Variants in NKAIN1 observed in about 807,000 individuals in gnomAD.
The protein encoded by NKAIN1 is sodium/potassium-transporting ATPase subunit beta-1-interacting protein 1.
Under a neutral mutation model 31.6 loss-of-function variants are expected in NKAIN1, and 13 were observed. That is an observed-to-expected ratio of 0.41 (90% CI 0.27 to 0.65). The LOEUF is 0.65. NKAIN1 is among the 30% of genes least tolerant of loss of function. The pLI is 0.30. For synonymous variants in NKAIN1, 104 were observed against 109.0 expected, an observed-to-expected ratio of 0.95 and a Z score of 0.28; for missense variants, 193 against 262.2, an observed-to-expected ratio of 0.74 and a Z score of 1.82.
At chr1:31,185,015 G>A (rs1645231696) in intron 3 of NKAIN1, 1 of 512,858 alleles carries the variant, frequency 1.9e-6, no homozygotes, top group East Asian at 3.2e-5. Context: ...TGGGACCCCT[G>A]GCTCATCTTC....
chr1:31,182,263 G>A (rs749198967), intron 5 of NKAIN1, among the ~76,000 whole-genome samples: 23 of 152,106 alleles, frequency 1.5e-4, no homozygotes, highest in Non-Finnish European at 2.8e-4. Flanking sequence ...CGGGGCTAGA[G>A]CCTCTAAACG....
chr1:31,223,667 A>T (rs552308611), intron 1 of NKAIN1, among the ~76,000 whole-genome samples: 66 of 152,158 alleles, frequency 4.3e-4, no homozygotes, highest in Middle Eastern at 6.8e-3. Flanking sequence ...GATGGTCCCG[A>T]TCTCCTGACC....
intron 1 of NKAIN1, among the ~76,000 whole-genome samples, chr1:31,202,283 G>C (rs942275900): frequency 6.6e-6 from 1 of 152,198 alleles, no homozygotes; most frequent in South Asian, 2.1e-4. Flanking sequence ...TTAGAACAAA[G>C]TGCCTGGCAG....
chr1:31,209,835 A>G (rs1645453687), intron 1 of NKAIN1, among the ~76,000 whole-genome samples: 3 of 150,694 alleles, frequency 2.0e-5, no homozygotes, highest in South Asian at 2.1e-4. Flanking sequence ...AAGAAAAAAA[A>G]AGTTAGCCAG....
intron 1 of NKAIN1, among the ~76,000 whole-genome samples, chr1:31,222,448 G>C (rs756113169): frequency 1.3e-5 from 2 of 152,252 alleles, no homozygotes; most frequent in Non-Finnish European, 2.9e-5. Flanking sequence ...AGGGTCAAGA[G>C]GCCAGAGACT....
At chr1:31,217,541 C>T (rs932160337) in intron 1 of NKAIN1, among the ~76,000 whole-genome samples, 22 of 152,218 alleles carry the variant, frequency 1.4e-4, no homozygotes, top group African/African-American at 4.1e-4. Context: ...AACCCCCACC[C>T]GGAAACATCA....
At chr1:31,210,352 C>G (rs1369493190) in intron 1 of NKAIN1, among the ~76,000 whole-genome samples, 2 of 150,156 alleles carry the variant, frequency 1.3e-5, no homozygotes, top group East Asian at 3.9e-4. Context: ...GCAGTGGCAC[C>G]ATGTTGGCTC....
chr1:31,200,027 A>ACACG (rs1419419913), intron 1 of NKAIN1, among the ~76,000 whole-genome samples: 71 of 147,332 alleles, frequency 4.8e-4, no homozygotes, highest in African/African-American at 1.7e-3. Context: ...ACACACACGC[A>ACACG]CACACACACA....
chr1:31,198,997 C>T (rs72891328), intron 1 of NKAIN1, among the ~76,000 whole-genome samples: 5,838 of 152,312 alleles, frequency 0.038, 363 homozygotes, highest in African/African-American at 0.13. Flanking sequence ...AGAAGTCTCT[C>T]GTGCCCCACC....
In NKAIN1 at chr1:31,183,832, C is replaced by A. The variant is rs746793644; in HGVS notation, c.456G>T (p.Leu152=). ...YPYIEALSSA[L]QIFLALFGFV... The stretch of plus-strand genomic sequence containing the variant: ...AAGGACTTACTGCCAGGAAGATCTG[C>A]AGGGCGCTGCTGAGGGCTTCAATGT... Residue 152 remains leucine (L), a synonymous_variant, in exon 4 of 7, where the codon CTG becomes CTT. Coordinates refer to ENST00000373736, the MANE Select transcript of NKAIN1 (RefSeq NM_024522.3). 5.6e-6 allele frequency: 9 copies of A among 1,612,668 alleles called. No individual in the cohort carries two copies. In the East Asian group the frequency reaches 1.8e-4, roughly 32 times the overall value.
chr1:31,198,472 G>A (rs1234710050), intron 1 of NKAIN1, among the ~76,000 whole-genome samples: 1 of 151,980 alleles, frequency 6.6e-6, no homozygotes, highest in Non-Finnish European at 1.5e-5. Context: ...TAAACTTTAG[G>A]TTTCAGTCTC....
chr1:31,197,314 T>C (rs181937156), intron 1 of NKAIN1, among the ~76,000 whole-genome samples: 1,985 of 151,940 alleles, frequency 0.013, 20 homozygotes, highest in Non-Finnish European at 0.019. Context: ...GGTTTCATCG[T>C]GTTAGCCAGG....
At position 31,239,655 on chromosome 1, in the gene NKAIN1, C is replaced by T. The variant is rs554988329; in HGVS notation, c.-108G>A. ...CGTCCTCCCCGCTGGGCGCGCCGGG[C>T]GGCGGGGCCGGGCGCCTAGGGCCGG... is the stretch of plus-strand genomic sequence containing the variant. On this transcript the variant is annotated 5_prime_UTR_variant, in exon 1 of 7. Transcript: ENST00000373736. This position sits in a 1 kb window ranked among gnomAD's most constrained non-coding sequence, Gnocchi z 4.8. 1.6e-4 allele frequency: 80 copies of T among 496,684 alleles called. No homozygotes were observed. The highest frequency in any genetic ancestry group is 1.5e-3 in the African/African-American group (73 of 47,686). 30.8% of individuals were successfully genotyped at this position (496,684 alleles called of 1,614,324 possible).
At chr1:31,204,723 C>T (rs1645410302) in intron 1 of NKAIN1, among the ~76,000 whole-genome samples, 1 of 152,326 alleles carries the variant, frequency 6.6e-6, no homozygotes, top group African/African-American at 2.4e-5. Flanking sequence ...AAGAACACCA[C>T]ATAATTAAGC....
At chr1:31,234,040 G>A (rs1388105624) in intron 1 of NKAIN1, among the ~76,000 whole-genome samples, 1 of 152,176 alleles carries the variant, frequency 6.6e-6, no homozygotes, top group Non-Finnish European at 1.5e-5. Context: ...GGAGAACCAG[G>A]GCCATCCCCA....
In NKAIN1 at chr1:31,181,258, A is replaced by T. The variant is rs998509877; in HGVS notation, c.*445T>A. 2 of 168,882 alleles carry T rather than the reference A, an allele frequency of 1.2e-5. No homozygotes were observed. Among genetic ancestry groups the T allele is most frequent in the African/African-American group, 4.8e-5 (2 of 42,076 alleles). 10.5% of individuals were successfully genotyped at this position (168,882 alleles called of 1,614,324 possible). On this transcript the variant is annotated 3_prime_UTR_variant, in exon 7 of 7. Transcript: ENST00000373736. ...ATGGACCTGCGATTAGAACCCAGGA[A>T]TCCTGCTCCTAGTTCACAGTAGCTT...
In NKAIN1 at chr1:31,225,033, C is replaced by CTTTTCTTTTTTTTTTTTTTT. The variant is rs542671307; in HGVS notation, c.54+14460_54+14461insAAAAAAAAAAAAAAAGAAAA. Among the ~76,000 whole-genome samples the CTTTTCTTTTTTTTTTTTTTT allele has an allele frequency of 2.0e-3, 221 of 112,038 alleles. 20 individuals carry two copies. Among genetic ancestry groups the CTTTTCTTTTTTTTTTTTTTT allele is most frequent in the South Asian group, 3.6e-3 (12 of 3,344 alleles). 73.5% of individuals were successfully genotyped at this position (112,038 alleles called of 152,430 possible). Reference sequence around the variant, plus strand: ...AGCCCATTTCTTTTTCTTTTCTTTTCTTTTTTTTTTTTTGAGACGGACTCT... The same window carrying CTTTTCTTTTTTTTTTTTTTT: ...AGCCCATTTCTTTTTCTTTTCTTTTCTTTTCTTTTTTTTTTTTTTTTTTTTTTTTTTTTGAGACGGACTCT... On this transcript the variant is annotated intron_variant, in intron 1 of 6. Coordinates refer to ENST00000373736, the MANE Select transcript of NKAIN1 (RefSeq NM_024522.3).
At chr1:31,181,978 G>A in intron 5 of NKAIN1, 37 bp from the exon 6 acceptor site, 1 of 1,573,964 alleles carries the variant, frequency 6.4e-7, no homozygotes, top group Non-Finnish European at 8.6e-7. Flanking sequence ...GGGATCGGCG[G>A]CGGGGGCGAG....
chr1:31,213,215 T>C (rs1024358250), intron 1 of NKAIN1, among the ~76,000 whole-genome samples: 10 of 151,154 alleles, frequency 6.6e-5, no homozygotes, highest in Non-Finnish European at 1.3e-4. Context: ...AAATCCAGGA[T>C]ATATAAAGAA....
Sources: allele counts gnomAD v4.1 joint callset (sites outside exome capture counted in the v4.1 genomes callset), GRCh38; gene constraint gnomAD v4.1.1; non-coding constraint Gnocchi (gnomAD v3.1); transcripts MANE v1.5; gene names NCBI Gene and HGNC (gene_info 2026-07-23, HGNC 2026-07-21).